Variants in STX2 observed in about 807,000 individuals in gnomAD.
The protein encoded by STX2 is syntaxin 2.
STX2 carries 27 observed loss-of-function variants against 40.6 expected under a neutral mutation model. That is an observed-to-expected ratio of 0.66 (90% CI 0.49 to 0.92). The LOEUF (loss-of-function observed/expected upper bound fraction) is 0.92. Ranked by LOEUF, STX2 falls within the 40% of genes least tolerant of loss-of-function variation. STX2 has a pLI of 0.00. For synonymous variants in STX2, 123 were observed against 119.1 expected, an observed-to-expected ratio of 1.03 and a Z score of -0.22; for missense variants, 328 against 366.1, an observed-to-expected ratio of 0.90 and a Z score of 0.85.
chr12:130,836,145 G>A (rs1952750428), intron 1 of STX2, among the ~76,000 whole-genome samples: 1 of 152,098 alleles, frequency 6.6e-6, no homozygotes, highest in African/African-American at 2.4e-5. Context: ...CATTTCCTGG[G>A]GCGGGGCGGG....
At chr12:130,823,330 G>T (rs1340274429) in intron 2 of STX2, among the ~76,000 whole-genome samples, 5 of 152,106 alleles carry the variant, frequency 3.3e-5, no homozygotes, top group Non-Finnish European at 7.4e-5. Flanking sequence ...AAAAAAGGAA[G>T]AAGTAATTAT....
At chr12:130,818,058 C>G (rs1421266664) in intron 3 of STX2, among the ~76,000 whole-genome samples, 3 of 149,724 alleles carry the variant, frequency 2.0e-5, no homozygotes, top group African/African-American at 7.4e-5. Flanking sequence ...CAGCTCCTTA[C>G]GGGGAGTACG....
At chr12:130,805,275 C>T (rs921914238) in intron 6 of STX2, among the ~76,000 whole-genome samples, 13 of 152,302 alleles carry the variant, frequency 8.5e-5, no homozygotes, top group African/African-American at 3.1e-4. Flanking sequence ...CCACCAAAAT[C>T]TACAAAACGA....
chr12:130,824,036 T>C (rs57289326), intron 2 of STX2, among the ~76,000 whole-genome samples: 2,192 of 152,288 alleles, frequency 0.014, 63 homozygotes, highest in African/African-American at 0.05. Flanking sequence ...GAAAGGGTCT[T>C]AGGGACCCCA....
At position 130,827,200 on chromosome 12, in the gene STX2, A is replaced by G. The variant is rs1952353124; in HGVS notation, c.98T>C (p.Phe33Ser). 1 of 1,613,472 alleles carries G rather than the reference A, an allele frequency of 6.2e-7. No homozygotes were observed. Among genetic ancestry groups the G allele is most frequent in the Non-Finnish European group, 8.5e-7 (1 of 1,179,766 alleles). Residue 33 changes from phenylalanine to serine, a missense_variant, in exon 2 of 11, where the codon TTC (phenylalanine) becomes TCC (serine). Coordinates refer to ENST00000392373, the MANE Select transcript of STX2 (RefSeq NM_194356.4). ...TTCATTAAACGCTCTTACCTGATGG[A>G]AGAAATCATCCATGAAATGATCTTT... ...VEKDHFMDDF[F>S]HQVEEIRNSI...
intron 1 of STX2, among the ~76,000 whole-genome samples, chr12:130,837,617 G>GT (rs1565943875): frequency 6.6e-6 from 1 of 152,126 alleles, no homozygotes. Flanking sequence ...TCGAGAAACA[G>GT]TGTCTCCCTG....
intron 3 of STX2, among the ~76,000 whole-genome samples, chr12:130,814,361 A>C (rs1951776044): frequency 6.6e-6 from 1 of 152,152 alleles, no homozygotes. Flanking sequence ...GAGGAGGAGA[A>C]GCGTCTGCTG....
At chr12:130,818,655 A>AGATGGAGAC (rs11283385) in intron 3 of STX2, among the ~76,000 whole-genome samples, 55,349 of 151,484 alleles carry the variant, frequency 0.37, 10,678 homozygotes, top group African/African-American at 0.47. Flanking sequence ...GCGGCGCTGG[A>AGATGGAGAC]GATGGAGACG....
Position 130,791,496 on chromosome 12 carries a change from A to G in STX2, c.*527T>C, listed in dbSNP as rs1022102152. ...AGCTGAGATCGCACCACTGCACTCCAGCCTGGATGACAAAGCGAGACTCCG... is the reference window on the plus strand; with the variant it reads ...AGCTGAGATCGCACCACTGCACTCCGGCCTGGATGACAAAGCGAGACTCCG... On this transcript the variant is annotated 3_prime_UTR_variant, in exon 11 of 11. Transcript: ENST00000392373. 3.9e-5 allele frequency: 6 copies of G among 154,166 alleles called. No homozygotes were observed. Among genetic ancestry groups the G allele is most frequent in the African/African-American group, 1.2e-4 (5 of 41,262 alleles). 9.5% of individuals were successfully genotyped at this position (154,166 alleles called of 1,614,324 possible).
intron 6 of STX2, among the ~76,000 whole-genome samples, chr12:130,805,299 G>C (rs964420058): frequency 1.3e-5 from 2 of 152,148 alleles, no homozygotes; most frequent in African/African-American, 4.8e-5. Flanking sequence ...CCAAGACACT[G>C]AGCATCAGGC....
intron 2 of STX2, among the ~76,000 whole-genome samples, chr12:130,822,682 G>C (rs1166376361): frequency 6.6e-6 from 1 of 152,158 alleles, no homozygotes; most frequent in Non-Finnish European, 1.5e-5. Flanking sequence ...TAGGGCAAAA[G>C]ATACTTTGCA....
At chr12:130,800,247 C>T (rs991064985) in intron 8 of STX2, among the ~76,000 whole-genome samples, 8 of 151,948 alleles carry the variant, frequency 5.3e-5, no homozygotes, top group African/African-American at 1.4e-4. Context: ...TGATCCATCC[C>T]GTACTTTACA....
intron 4 of STX2, chr12:130,812,174 TA>T (rs1225364824): frequency 0.018 from 3,951 of 217,796 alleles, no homozygotes; most frequent in South Asian, 0.04. Flanking sequence ...GCAAACTGTT[TA>T]AAAAAAAAAA....
rs60003050 is a variant in STX2 at position 130,831,866 on chromosome 12, A to ATTT, written c.31-4602_31-4600dup. Among the ~76,000 whole-genome samples the ATTT allele has an allele frequency of 8.9e-3, 953 of 106,568 alleles. 11 individuals are homozygous for ATTT. The highest frequency in any genetic ancestry group is 0.029 in the African/African-American group (911 of 31,286). The allele number at this position is 106,568 out of a possible 152,430, so 69.9% of individuals were successfully genotyped here. On this transcript the variant is annotated intron_variant, in intron 1 of 10. Coordinates refer to ENST00000392373, the MANE Select transcript of STX2 (RefSeq NM_194356.4). ...ATGTAAATAGTATTACACTTCTGCA[A>ATTT]TTTTTTTTTTTTTTTTTTTTTGGAA...
chr12:130,800,041 G>T (rs2136241618), intron 8 of STX2, among the ~76,000 whole-genome samples: 1 of 152,236 alleles, frequency 6.6e-6, no homozygotes, highest in East Asian at 1.9e-4. Context: ...TCCGAAACCA[G>T]GCTCAGGACA....
chr12:130,823,616 G>A (rs55677188), intron 2 of STX2, among the ~76,000 whole-genome samples: 2,202 of 152,284 alleles, frequency 0.014, 64 homozygotes, highest in African/African-American at 0.05. Flanking sequence ...GGCCGCCTGC[G>A]GAAGATGGAG....
chr12:130,815,363 A>C (rs1951820057), intron 3 of STX2, among the ~76,000 whole-genome samples: 1 of 152,208 alleles, frequency 6.6e-6, no homozygotes. Context: ...ATCCTCCTGT[A>C]GTTCCTGAGC....
chr12:130,820,399 G>A (rs999174802), intron 3 of STX2, among the ~76,000 whole-genome samples: 1 of 152,210 alleles, frequency 6.6e-6, no homozygotes, highest in Non-Finnish European at 1.5e-5. Flanking sequence ...GGGCACGGTG[G>A]CTCATGCCTG....
chr12:130,794,194 A>C (rs1950959999), intron 10 of STX2, among the ~76,000 whole-genome samples: 1 of 152,234 alleles, frequency 6.6e-6, no homozygotes, highest in Non-Finnish European at 1.5e-5. Context: ...TCATGAAAAT[A>C]TTGAAAAATA....
Sources: allele counts gnomAD v4.1 joint callset (sites outside exome capture counted in the v4.1 genomes callset), GRCh38; gene constraint gnomAD v4.1.1; transcripts MANE v1.5; gene names NCBI Gene and HGNC (gene_info 2026-07-23, HGNC 2026-07-21).